JCAD: variants seen among roughly 807,000 people sequenced by gnomAD.
JCAD encodes the protein junctional cadherin 5 associated, also known as junctional cadherin 5-associated protein.
JCAD carries 40 observed loss-of-function variants against 98.0 expected under a neutral mutation model. The ratio of observed to expected loss-of-function variants is 0.41; its 90% CI spans 0.32 to 0.53. The LOEUF is 0.53. JCAD is among the 20% of genes least tolerant of loss of function. The pLI is 0.31. For missense variants in JCAD, 1,705 were observed against 1,738.1 expected, an observed-to-expected ratio of 0.98 and a Z score of 0.34; for synonymous variants, 691 against 682.3, an observed-to-expected ratio of 1.01 and a Z score of -0.20.
intron 2 of JCAD, chr10:30,044,696 AT>A: frequency 3.3e-6 from 1 of 302,352 alleles, no homozygotes; most frequent in Non-Finnish European, 4.8e-6. Context: ...TTTTTTTTAA[AT>A]TTAAGCTGTT....
Position 30,026,190 on chromosome 10 carries a change from C to A in JCAD, c.3958G>T (p.Val1320Leu). The stretch of plus-strand genomic sequence containing the variant: ...TCCCTGGAGATGCTGTCCTTGGACA[C>A]AGAGAGTGAGTGGCCCAATCTCTGG... The part of the protein sequence containing the change: ...RAQRLGHSLS[V>L]SKDSISREEK... The change falls in exon 3 of 4, where the codon GTG (valine) becomes TTG (leucine). Residue 1320 changes from valine (V) to leucine (L), a missense_variant. Transcript: ENST00000375377. The A allele has an allele frequency of 6.2e-7, 1 of 1,614,200 alleles. No individual in the cohort carries two copies. The highest frequency in any genetic ancestry group is 8.5e-7 in the Non-Finnish European group (1 of 1,180,050).
At chr10:30,038,396 AAG>A (rs1441523020) in intron 2 of JCAD, among the ~76,000 whole-genome samples, 17 of 152,108 alleles carry the variant, frequency 1.1e-4, no homozygotes, top group Non-Finnish European at 2.4e-4. Context: ...AGCGAAGACA[AAG>A]AGAGAGCCGG....
Position 30,031,820 on chromosome 10 carries a change from T to A in JCAD, c.282-1954A>T, listed in dbSNP as rs1837004732. ...CCCAGGCTGGAGTGCAGTGGTGGGA[T>A]CTCGGCTCACTGCAAGCTCCGCCTC... On this transcript the variant is annotated intron_variant, in intron 2 of 3. Transcript: ENST00000375377. Among the ~76,000 whole-genome samples, 4 of 138,468 alleles carry A rather than the reference T, an allele frequency of 2.9e-5. No homozygotes were observed. The South Asian group carries it at 9.4e-4, about 33-fold the overall frequency. The allele number at this position is 138,468 out of a possible 152,430, so 90.8% of individuals were successfully genotyped here.
chr10:30,032,072 A>G (rs1837014218), intron 2 of JCAD, among the ~76,000 whole-genome samples: 1 of 152,110 alleles, frequency 6.6e-6, no homozygotes, highest in African/African-American at 2.4e-5. Flanking sequence ...ATTTTTAACA[A>G]GCATTTCAGA....
intron 1 of JCAD, among the ~76,000 whole-genome samples, chr10:30,055,653 A>G (rs1837556031): frequency 6.6e-6 from 1 of 152,240 alleles, no homozygotes; most frequent in African/African-American, 2.4e-5. Context: ...AAAATCTCAC[A>G]AGATGTAAAA....
At chr10:30,065,498 T>C (rs1837767981) in intron 2 of JCAD, among the ~76,000 whole-genome samples, 1 of 151,890 alleles carries the variant, frequency 6.6e-6, no homozygotes, top group Admixed American at 6.6e-5. Flanking sequence ...TCACAGACTA[T>C]ATCGCATAAT....
chr10:30,028,501 C>G lies in JCAD; in HGVS notation c.1647G>C (p.Glu549Asp). 6.2e-7 allele frequency: 1 copy of G among 1,614,224 alleles called. No homozygotes were observed. Among genetic ancestry groups the G allele is most frequent in the Non-Finnish European group, 8.5e-7 (1 of 1,180,050 alleles). The change falls in exon 3 of 4, where the codon GAG (glutamate) becomes GAC (aspartate). Residue 549 changes from glutamate (E) to aspartate (D), a missense_variant. Glu to Asp is a conservative substitution (Grantham distance 45). Coordinates refer to ENST00000375377, the MANE Select transcript of JCAD (RefSeq NM_020848.4). ...GCTTGGTTTGAGTTTCGCAGGTGCT[C>G]TCGCCCTGTGAGTAAGGGGAGGAAA... ...RQVSSPYSQG[E>D]STCETQTKLK...
In JCAD at chr10:30,027,044, G is replaced by A; in HGVS notation, c.3104C>T (p.Ser1035Phe). The change falls in exon 3 of 4, where the codon TCC (serine) becomes TTC (phenylalanine). Residue 1035 changes from serine (S) to phenylalanine (F), a missense_variant. Ser to Phe is a radical substitution (Grantham distance 155). Transcript: ENST00000375377. ...GAGCCCTCGGTTCTTGTTAGACAGG[G>A]ACAGTGGGAGCCCTGCCCCCCTCTC... Reference protein sequence around the residue: ...GGERGAGLPLSLSNKNRGLSA... With the variant: ...GGERGAGLPLFLSNKNRGLSA... The A allele has an allele frequency of 6.2e-7, 1 of 1,614,208 alleles. No homozygotes were observed. The highest frequency in any genetic ancestry group is 1.7e-5 in the Admixed American group (1 of 60,024).
chr10:30,051,148 G>A (rs1837458580), intron 1 of JCAD, among the ~76,000 whole-genome samples: 1 of 152,146 alleles, frequency 6.6e-6, no homozygotes, highest in Admixed American at 6.5e-5. Context: ...AGCTAAGAGA[G>A]AAGGCATGGT....
intron 2 of JCAD, among the ~76,000 whole-genome samples, chr10:30,034,116 G>A (rs1341561868): frequency 6.6e-6 from 1 of 151,468 alleles, no homozygotes; most frequent in African/African-American, 2.4e-5. Context: ...CTAGCTACCC[G>A]GGAGGCTGAG....
chr10:30,044,711 T>A, intron 2 of JCAD: 6 of 447,806 alleles, frequency 1.3e-5, no homozygotes, highest in Non-Finnish European at 1.5e-5. Flanking sequence ...AGCTGTTAAC[T>A]ATTGACACCT....
intron 2 of JCAD, among the ~76,000 whole-genome samples, chr10:30,069,270 C>G (rs11007888): frequency 0.24 from 37,041 of 151,632 alleles, 4,691 homozygotes; most frequent in Middle Eastern, 0.31. Flanking sequence ...AAAGCATTAG[C>G]TGAGGACTGG....
intron 3 of JCAD, among the ~76,000 whole-genome samples, chr10:30,018,860 C>CA (rs1291582702): frequency 2.0e-5 from 3 of 151,898 alleles, no homozygotes; most frequent in Admixed American, 2.0e-4. Flanking sequence ...GGAAGTTCCT[C>CA]AAAAAAATTA....
chr10:30,046,404 G>C (rs1178776576), intron 2 of JCAD, among the ~76,000 whole-genome samples: 1 of 152,138 alleles, frequency 6.6e-6, no homozygotes, highest in Admixed American at 6.5e-5. Context: ...CAGATGGGAT[G>C]CCCACATTAG....
Position 30,027,851 on chromosome 10 carries a change from C to T in JCAD, c.2297G>A (p.Arg766Lys). The change falls in exon 3 of 4, where the codon AGG (arginine) becomes AAG (lysine). Residue 766 changes from arginine to lysine, a missense_variant. Coordinates refer to ENST00000375377, the MANE Select transcript of JCAD (RefSeq NM_020848.4). ...TGCCTGGTCCACGGACAAGGAAGTC[C>T]TTGAGAACGCACTGTTGCTGGATGG... Reference protein sequence around the residue: ...LSPSSNSAFSRTSLSVDQAPT... With the variant: ...LSPSSNSAFSKTSLSVDQAPT... The T allele has an allele frequency of 6.2e-7, 1 of 1,614,254 alleles. No homozygotes were observed. The highest frequency in any genetic ancestry group is 8.5e-7 in the Non-Finnish European group (1 of 1,180,038).
At chr10:30,060,012 A>G (rs567677633), upstream of JCAD, among the ~76,000 whole-genome samples, 1 of 152,190 alleles carries the variant, frequency 6.6e-6, no homozygotes, top group Admixed American at 6.5e-5. Context: ...ATACAGTCAC[A>G]CGCAGGTGCA....
intron 1 of JCAD, among the ~76,000 whole-genome samples, chr10:30,085,295 T>C (rs1589711933): frequency 6.6e-6 from 1 of 152,210 alleles, no homozygotes; most frequent in Admixed American, 6.5e-5. Context: ...AATTGGTCTT[T>C]ACATTTATCT....
chr10:30,104,096 G>A (rs1838520471), intron 1 of JCAD, among the ~76,000 whole-genome samples: 1 of 152,200 alleles, frequency 6.6e-6, no homozygotes, highest in Non-Finnish European at 1.5e-5. Context: ...AGGAAACTGA[G>A]AAGTTAACTT....
At chr10:30,060,332 A>G (rs1350264101), upstream of JCAD, among the ~76,000 whole-genome samples, 1 of 152,116 alleles carries the variant, frequency 6.6e-6, no homozygotes, top group Non-Finnish European at 1.5e-5. Flanking sequence ...GGGTAGGAGG[A>G]GAGATAGGAG....
Sources: gnomAD v4.1 joint callset for allele counts (sites outside exome capture counted in the v4.1 genomes callset) on GRCh38, gnomAD v4.1.1 for gene constraint, MANE v1.5 for transcripts, NCBI Gene and HGNC (gene_info 2026-07-23, HGNC 2026-07-21) for gene names.